The following SOX5 variants were observed in gnomAD, a reference collection of about 807,000 sequenced individuals.
The protein encoded by SOX5 is transcription factor SOX-5.
In SOX5, 9 loss-of-function variants were observed where a neutral mutation model predicts 92.0. That is an observed-to-expected ratio of 0.10 (90% CI 0.06 to 0.17). SOX5 has a LOEUF of 0.17. Ranked by LOEUF, SOX5 falls within the 10% of genes least tolerant of loss-of-function variation. The pLI, the probability that SOX5 is intolerant of heterozygous loss-of-function variation, is 1.00. For missense variants in SOX5, 642 were observed against 944.5 expected, an observed-to-expected ratio of 0.68 and a Z score of 4.20; for synonymous variants, 344 against 336.3, an observed-to-expected ratio of 1.02 and a Z score of -0.25.
chr12:24,477,285 C>A (rs1002920607), intron 1 of SOX5, among the ~76,000 whole-genome samples: 1 of 152,004 alleles, frequency 6.6e-6, no homozygotes, highest in African/African-American at 2.4e-5. Flanking sequence ...AGACATGTGC[C>A]ACCACACTAG....
At chr12:24,140,774 T>A (rs1950515468) in intron 4 of SOX5, among the ~76,000 whole-genome samples, 1 of 152,162 alleles carries the variant, frequency 6.6e-6, no homozygotes, top group Non-Finnish European at 1.5e-5. Context: ...AAAGTCAGAA[T>A]AACTATTCTA....
chr12:24,207,202 T>C (rs747271662), intron 4 of SOX5, among the ~76,000 whole-genome samples: 9 of 152,240 alleles, frequency 5.9e-5, no homozygotes, highest in Non-Finnish European at 1.0e-4. Flanking sequence ...TTTTCTGTTA[T>C]TGTAAAAGTA....
chr12:23,695,883 G>A (rs1039815479), intron 6 of SOX5, among the ~76,000 whole-genome samples: 1 of 133,328 alleles, frequency 7.5e-6, no homozygotes, highest in African/African-American at 2.9e-5. Context: ...AGAGCTTGCA[G>A]TGAGCCGAGA....
At chr12:23,658,586 T>C (rs528543560) in intron 7 of SOX5, among the ~76,000 whole-genome samples, 2 of 152,236 alleles carry the variant, frequency 1.3e-5, no homozygotes, top group East Asian at 3.9e-4. Flanking sequence ...GTCACAATAA[T>C]TCTAACACAA....
chr12:23,688,678 A>G (rs1369849650), intron 6 of SOX5, among the ~76,000 whole-genome samples: 1 of 152,098 alleles, frequency 6.6e-6, no homozygotes, highest in Non-Finnish European at 1.5e-5. Flanking sequence ...AGTAATTGCT[A>G]CGAATTGGGC....
At chr12:23,693,633 C>T (rs1461721773) in intron 6 of SOX5, among the ~76,000 whole-genome samples, 3 of 152,174 alleles carry the variant, frequency 2.0e-5, no homozygotes, top group South Asian at 4.2e-4. Context: ...TTCTCTCCTG[C>T]CAGTGCTTTA....
intron 8 of SOX5, among the ~76,000 whole-genome samples, chr12:23,626,645 T>C (rs1206888031): frequency 6.8e-6 from 1 of 148,078 alleles, no homozygotes; most frequent in Admixed American, 6.7e-5. Context: ...TGGGGATTTC[T>C]GGGCTCTTGG....
chr12:23,920,250 A>G (rs1937762384), intron 1 of SOX5: 1 of 152,240 alleles, frequency 6.6e-6, no homozygotes, highest in Non-Finnish European at 1.5e-5. Context: ...AATGTTTTTA[A>G]TAATAGTTGC....
rs78161133 is a variant in SOX5 at position 24,262,075 on chromosome 12, G to A, written c.-77+15141C>T. 6.2e-3 allele frequency among the ~76,000 whole-genome samples: 940 copies of A among 152,204 alleles called. 4 individuals are homozygous for A. Among genetic ancestry groups the A allele is most frequent in the African/African-American group, 0.021 (863 of 41,514 alleles). On this transcript the variant is annotated intron_variant, in intron 3 of 4. Transcript: ENST00000446891. ...TACCGATTAGGTATACAATTCACAGGCATCATTAGATAAAAACAGACTACT... is the reference window on the plus strand; with the variant it reads ...TACCGATTAGGTATACAATTCACAGACATCATTAGATAAAAACAGACTACT...
At position 24,061,573 on chromosome 12, in the gene SOX5, A is replaced by G. The variant is rs189332567; in HGVS notation, c.-2+151770T>C. Among the ~76,000 whole-genome samples the G allele has an allele frequency of 4.6e-3, 706 of 152,182 alleles. 2 individuals carry two copies. The highest frequency in any genetic ancestry group is 6.0e-3 in the Non-Finnish European group (408 of 67,998). On this transcript the variant is annotated intron_variant, in intron 4 of 4. Transcript: ENST00000446891. ...ATGACAACGTTTGCACAAAGTACCA[A>G]TGATAACGTTTGCACAAAACATAGG...
At chr12:24,527,238 T>C (rs894399757) in intron 1 of SOX5, among the ~76,000 whole-genome samples, 10 of 152,200 alleles carry the variant, frequency 6.6e-5, no homozygotes, top group Admixed American at 3.3e-4. Context: ...ACCCATGAGC[T>C]AGCTACTGGG....
chr12:24,438,716 C>G (rs921455169), intron 1 of SOX5, among the ~76,000 whole-genome samples: 5 of 152,200 alleles, frequency 3.3e-5, no homozygotes, highest in Non-Finnish European at 7.3e-5. Flanking sequence ...AGCAAGAGAA[C>G]TAGAATTAGA....
chr12:23,577,176 C>CACACACATATATATAT (rs1273547543), intron 9 of SOX5, among the ~76,000 whole-genome samples: 8 of 76,964 alleles, frequency 1.0e-4, no homozygotes, highest in African/African-American at 3.8e-4. Context: ...CACACACACA[C>CACACACATATATATAT]ATATATATAT....
intron 4 of SOX5, among the ~76,000 whole-genome samples, chr12:24,114,418 A>T (rs952080378): frequency 6.6e-6 from 1 of 151,464 alleles, no homozygotes; most frequent in Non-Finnish European, 1.5e-5. Flanking sequence ...CTCTTCAAAA[A>T]ATACAAAAAT....
intron 3 of SOX5, among the ~76,000 whole-genome samples, chr12:23,795,914 T>C (rs1163290289): frequency 6.6e-6 from 1 of 152,138 alleles, no homozygotes; most frequent in African/African-American, 2.4e-5. Flanking sequence ...AATTACTGAA[T>C]AGTATTTAAC....
At chr12:24,060,593 G>A (rs1307998044) in intron 4 of SOX5, among the ~76,000 whole-genome samples, 4 of 152,048 alleles carry the variant, frequency 2.6e-5, no homozygotes, top group Non-Finnish European at 4.4e-5. Context: ...CTTTTCCTAC[G>A]GGAAACAACT....
At chr12:24,392,030 C>A (rs7294329) in intron 1 of SOX5, among the ~76,000 whole-genome samples, 81,553 of 151,856 alleles carry the variant, frequency 0.54, 22,414 homozygotes, top group African/African-American at 0.66. Context: ...AATACTGAAA[C>A]TCAAAGCAAC....
At chr12:23,639,983 T>C (rs1000519319) in intron 8 of SOX5, among the ~76,000 whole-genome samples, 46 of 152,248 alleles carry the variant, frequency 3.0e-4, no homozygotes, top group Non-Finnish European at 7.3e-5. Context: ...ACAGTATTCA[T>C]AGGCATACTG....
At chr12:23,794,704 A>G (rs2142025733) in intron 3 of SOX5, among the ~76,000 whole-genome samples, 2 of 152,288 alleles carry the variant, frequency 1.3e-5, no homozygotes, top group Non-Finnish European at 2.9e-5. Context: ...TTTTTATTTC[A>G]TCCTTTTCAT....
Sources: gnomAD v4.1 joint callset for allele counts (sites outside exome capture counted in the v4.1 genomes callset) on GRCh38, gnomAD v4.1.1 for gene constraint, MANE v1.5 for transcripts, NCBI Gene and HGNC (gene_info 2026-07-23, HGNC 2026-07-21) for gene names.